SBF2: variants seen among roughly 807,000 people sequenced by gnomAD.
The protein encoded by SBF2 is myotubularin-related protein 13.
In SBF2, 112 loss-of-function variants were observed where a neutral mutation model predicts 225.2. That is an observed-to-expected ratio of 0.50 (90% CI 0.43 to 0.58). The LOEUF (loss-of-function observed/expected upper bound fraction) is 0.58, where lower values mean the gene tolerates loss of function less well. Among genes scored for constraint, SBF2 ranks in the 20% least tolerant of loss-of-function variants. SBF2 has a pLI of 0.00. For synonymous variants in SBF2, 763 were observed against 773.3 expected (o/e 0.99, Z 0.22); for missense variants, 1,996 against 2,206.2 (o/e 0.90, Z 1.91).
At chr11:9,851,150 C>CA (rs748822488) in intron 21 of SBF2, among the ~76,000 whole-genome samples, 17 of 118,016 alleles carry the variant, frequency 1.4e-4, no homozygotes, top group Admixed American at 1.3e-3. Context: ...AAAAAAAAAA[C>CA]AACAACAAAA....
At chr11:10,239,562 ATCCTGC>A (rs747639387) in intron 1 of SBF2, among the ~76,000 whole-genome samples, 54,323 of 150,238 alleles carry the variant, frequency 0.36, 12,369 homozygotes, top group Non-Finnish European at 0.44. Context: ...TGTCTGTAAC[ATCCTGC>A]TGTAAATTTT....
At chr11:9,871,105 A>T (rs1197711284) in intron 17 of SBF2, among the ~76,000 whole-genome samples, 1 of 152,182 alleles carries the variant, frequency 6.6e-6, no homozygotes, top group Non-Finnish European at 1.5e-5. Context: ...TTCATAATGA[A>T]AGCACCAAAA....
chr11:10,227,273 C>G (rs536303359), intron 1 of SBF2, among the ~76,000 whole-genome samples: 2,200 of 152,206 alleles, frequency 0.014, 42 homozygotes, highest in African/African-American at 0.037. Flanking sequence ...CTGTAGGTTG[C>G]CTGTTCACTC....
chr11:10,214,310 A>C (rs553356257), intron 1 of SBF2, among the ~76,000 whole-genome samples: 18 of 152,168 alleles, frequency 1.2e-4, no homozygotes, highest in Non-Finnish European at 2.6e-4. Flanking sequence ...CCACTGCTTT[A>C]AACTCTACAG....
intron 34 of SBF2, 146 bp downstream of exon 34, chr11:9,790,410 T>C (rs1670925804): frequency 4.9e-6 from 3 of 615,672 alleles, no homozygotes; most frequent in African/African-American, 1.9e-5. Flanking sequence ...CCCAAACCTA[T>C]AGTGTCTCAA....
intron 16 of SBF2, among the ~76,000 whole-genome samples, chr11:9,949,409 A>C (rs916285700): frequency 6.6e-6 from 1 of 152,132 alleles, no homozygotes; most frequent in Admixed American, 6.5e-5. Context: ...AATGCATATA[A>C]AGTTTCTTCA....
At chr11:10,075,528 A>C (rs1365277161) in intron 2 of SBF2, among the ~76,000 whole-genome samples, 2 of 152,198 alleles carry the variant, frequency 1.3e-5, no homozygotes, top group Non-Finnish European at 2.9e-5. Context: ...TCATCGGGGC[A>C]GATTTCCCCC....
chr11:10,301,349 A>T (rs1565451615), intron 1 of SBF2, among the ~76,000 whole-genome samples: 1 of 152,184 alleles, frequency 6.6e-6, no homozygotes. Flanking sequence ...GAAGTCAGAG[A>T]TCCCAAAAAA....
At chr11:9,894,473 C>T (rs572691924) in intron 17 of SBF2, among the ~76,000 whole-genome samples, 23 of 151,282 alleles carry the variant, frequency 1.5e-4, no homozygotes, top group African/African-American at 2.9e-4. Context: ...GCTGAAATCG[C>T]GCCACTACAC....
intron 2 of SBF2, among the ~76,000 whole-genome samples, chr11:10,143,314 G>C (rs1205921844): frequency 1.3e-5 from 2 of 152,112 alleles, no homozygotes; most frequent in Admixed American, 1.3e-4. Context: ...TGGGACTACA[G>C]GTGTGCGCCC....
intron 39 of SBF2, 142 bp downstream of exon 39, chr11:9,781,365 G>A (rs1358262832): frequency 9.3e-7 from 1 of 1,079,658 alleles, no homozygotes; most frequent in East Asian, 2.4e-5. Context: ...CTGAGTTCAA[G>A]CTCTGGAACA....
intron 2 of SBF2, among the ~76,000 whole-genome samples, chr11:10,053,091 C>T (rs1950119366): frequency 6.6e-6 from 1 of 151,980 alleles, no homozygotes; most frequent in Admixed American, 6.6e-5. Flanking sequence ...TTCTCCCCTT[C>T]CTATAACATG....
rs765586949 is a variant in SBF2, at chr11:9,894,445, AGGT to A, written c.1929+1495_1929+1497del. Among the ~76,000 whole-genome samples, 3 of 152,142 alleles carry A rather than the reference AGGT, an allele frequency of 2.0e-5. No individual in the cohort carries two copies. In the East Asian group the frequency reaches 5.8e-4, roughly 29 times the overall value. On this transcript the variant is annotated intron_variant, in intron 17 of 39. Transcript: ENST00000256190. ...GGCAGGAGAATCACTTGAACCTGGG[AGGT>A]GGAGGTTGCAGCGAGCTGAAATCGC...
chr11:9,995,662 T>A (rs1036196956), intron 9 of SBF2, among the ~76,000 whole-genome samples: 11 of 151,490 alleles, frequency 7.3e-5, no homozygotes, highest in African/African-American at 1.7e-4. Flanking sequence ...TTTTTTTTTT[T>A]ATTTTGAGAC....
chr11:10,145,324 T>C (rs1485669743), intron 2 of SBF2, among the ~76,000 whole-genome samples: 1 of 152,170 alleles, frequency 6.6e-6, no homozygotes, highest in African/African-American at 2.4e-5. Context: ...ACTTCTTACA[T>C]TGCAGGCTCA....
intron 16 of SBF2, among the ~76,000 whole-genome samples, chr11:9,922,367 C>T (rs1863699838): frequency 6.6e-6 from 1 of 152,108 alleles, no homozygotes; most frequent in African/African-American, 2.4e-5. Flanking sequence ...TTCACATTTT[C>T]CTCTAATTTT....
At chr11:9,997,115 G>C (rs1947738419) in intron 9 of SBF2, among the ~76,000 whole-genome samples, 1 of 152,148 alleles carries the variant, frequency 6.6e-6, no homozygotes, top group African/African-American at 2.4e-5. Flanking sequence ...ACACAAATTT[G>C]AAAGTTTTCT....
At chr11:10,162,914 C>T (rs1955813430) in intron 2 of SBF2, among the ~76,000 whole-genome samples, 1 of 152,068 alleles carries the variant, frequency 6.6e-6, no homozygotes, top group African/African-American at 2.4e-5. Context: ...CTGGAAATTT[C>T]CCAAAAAACC....
chr11:10,028,040 G>T (rs937360128), intron 6 of SBF2, among the ~76,000 whole-genome samples: 7 of 152,106 alleles, frequency 4.6e-5, no homozygotes, highest in Admixed American at 1.3e-4. Flanking sequence ...CTCCCTAGTA[G>T]CTGAGATTTC....
Sources: gnomAD v4.1 joint callset for allele counts (sites outside exome capture counted in the v4.1 genomes callset) on GRCh38, gnomAD v4.1.1 for gene constraint, MANE v1.5 for transcripts, NCBI Gene and HGNC (gene_info 2026-07-23, HGNC 2026-07-21) for gene names.